STRBP: variants seen among roughly 807,000 people sequenced by gnomAD.
The protein encoded by STRBP is spermatid perinuclear RNA binding protein.
STRBP carries 13 observed loss-of-function variants against 80.1 expected under a neutral mutation model. That is an observed-to-expected ratio of 0.16 (90% CI 0.11 to 0.26). The LOEUF is 0.26. STRBP is among the 10% of genes least tolerant of loss of function. The pLI is 1.00. For synonymous variants in STRBP, 284 were observed against 291.2 expected, an observed-to-expected ratio of 0.98 and a Z score of 0.25; for missense variants, 485 against 815.2, an observed-to-expected ratio of 0.59 and a Z score of 4.93.
chr9:123,154,852 T>C (rs1460717203), intron 11 of STRBP, among the ~76,000 whole-genome samples: 1 of 152,188 alleles, frequency 6.6e-6, no homozygotes, highest in African/African-American at 2.4e-5. Flanking sequence ...GTGCTGCTTA[T>C]AAAGAGGAGA....
In STRBP at chr9:123,182,300, A is replaced by T. The variant is rs1241801262; in HGVS notation, c.3+1832T>A. ...TGCAGAAAGAGAAAATTCTCATTGC[A>T]ATCTGAGATCTAAAAAGCAAGTAAT... On this transcript the variant is annotated intron_variant, in intron 3 of 18. Transcript: ENST00000348403. Among the ~76,000 whole-genome samples, 6 of 151,756 alleles carry T rather than the reference A, an allele frequency of 4.0e-5. 1 individual carries two copies. In the East Asian group the frequency reaches 5.8e-4, roughly 15 times the overall value.
intron 2 of STRBP, among the ~76,000 whole-genome samples, chr9:123,200,173 A>G (rs771274825): frequency 2.0e-5 from 3 of 152,148 alleles, no homozygotes; most frequent in Non-Finnish European, 2.9e-5. Flanking sequence ...GCTGTATCAC[A>G]TTTACTGACT....
rs2035974065 is a variant in STRBP, at chr9:123,128,209, C to T, written c.1942+5G>A. On this transcript the variant is annotated splice_donor_5th_base_variant and intron_variant, in intron 18 of 18. Coordinates refer to ENST00000348403, the MANE Select transcript of STRBP (RefSeq NM_018387.5). ...GAGGAGATATCAGTAAGATGGTGTACGTACCATAGGCAGGGGCAGCTGTGC... is the reference window on the plus strand; with the variant it reads ...GAGGAGATATCAGTAAGATGGTGTATGTACCATAGGCAGGGGCAGCTGTGC... 4 of 1,614,110 alleles carry T rather than the reference C, an allele frequency of 2.5e-6. No homozygotes were observed. The highest frequency in any genetic ancestry group is 3.4e-6 in the Non-Finnish European group (4 of 1,179,984).
In STRBP at chr9:123,240,699, G is replaced by A. The variant is rs572323790; in HGVS notation, c.-301-3733C>T. 9.2e-5 allele frequency among the ~76,000 whole-genome samples: 14 copies of A among 152,220 alleles called. No homozygotes were observed. In the South Asian group the frequency reaches 2.9e-3, roughly 32 times the overall value. ...CTTCCCCTCCTCCAGACCTCATAAT[G>A]TGCCAGTGCTCCAAGGCTCTGTCCC... On this transcript the variant is annotated intron_variant, in intron 1 of 18. Transcript: ENST00000348403.
At chr9:123,240,437 T>C (rs2040669765) in intron 1 of STRBP, among the ~76,000 whole-genome samples, 1 of 152,236 alleles carries the variant, frequency 6.6e-6, no homozygotes, top group Non-Finnish European at 1.5e-5. Flanking sequence ...CGTATTTTAC[T>C]AGCATTTCAC....
At position 123,122,937 on chromosome 9, in the gene STRBP, GT is replaced by G; in HGVS notation, c.*2659del. The G allele has an allele frequency of 1.0e-6, 1 of 985,488 alleles. No individual in the cohort carries two copies. The highest frequency in any genetic ancestry group is 1.2e-6 in the Non-Finnish European group (1 of 829,964). The allele number at this position is 985,488 out of a possible 1,614,324, so 61.0% of individuals were successfully genotyped here. ...ATATTGCTAGGTTTCCAAAGGAAAA[GT>G]TTTAAAACAGACACCGTGGCTTTGA... On this transcript the variant is annotated 3_prime_UTR_variant, in exon 19 of 19. Transcript: ENST00000348403.
At chr9:123,221,563 G>A (rs1303346023) in intron 2 of STRBP, among the ~76,000 whole-genome samples, 3 of 152,178 alleles carry the variant, frequency 2.0e-5, no homozygotes, top group Non-Finnish European at 2.9e-5. Context: ...AATAGTTAAC[G>A]TTTTGCTACA....
intron 2 of STRBP, among the ~76,000 whole-genome samples, chr9:123,207,610 G>A (rs1188186871): frequency 2.0e-5 from 3 of 152,122 alleles, no homozygotes; most frequent in Admixed American, 2.0e-4. Flanking sequence ...GGGAGGGATA[G>A]CATTCGGAGA....
At chr9:123,188,397 T>G (rs1385939542) in intron 2 of STRBP, among the ~76,000 whole-genome samples, 1 of 152,144 alleles carries the variant, frequency 6.6e-6, no homozygotes, top group Non-Finnish European at 1.5e-5. Context: ...ATCCCAGCAG[T>G]CTGGGAGCCC....
At chr9:123,200,374 T>C (rs1564292025) in intron 2 of STRBP, among the ~76,000 whole-genome samples, 1 of 152,140 alleles carries the variant, frequency 6.6e-6, no homozygotes, top group Non-Finnish European at 1.5e-5. Flanking sequence ...GCTCTGCAGT[T>C]TTCTTCTTTT....
intron 2 of STRBP, among the ~76,000 whole-genome samples, chr9:123,205,607 C>A (rs2039486701): frequency 6.6e-6 from 1 of 152,104 alleles, no homozygotes; most frequent in Non-Finnish European, 1.5e-5. Flanking sequence ...TAGGTTTTAA[C>A]CTACAAAAAG....
chr9:123,163,055 A>T (rs2037594719), intron 6 of STRBP, among the ~76,000 whole-genome samples: 2 of 152,222 alleles, frequency 1.3e-5, no homozygotes, highest in Admixed American at 1.3e-4. Flanking sequence ...ATAGTATGGA[A>T]CTTGTTTTTT....
intron 16 of STRBP, among the ~76,000 whole-genome samples, chr9:123,133,712 G>A (rs544619118): frequency 7.9e-5 from 12 of 152,032 alleles, no homozygotes; most frequent in Non-Finnish European, 1.2e-4. Flanking sequence ...GCTAATTTTC[G>A]TATTTTTAGT....
At chr9:123,137,619 G>A (rs1003032103) in intron 14 of STRBP, among the ~76,000 whole-genome samples, 1 of 152,026 alleles carries the variant, frequency 6.6e-6, no homozygotes, top group Non-Finnish European at 1.5e-5. Flanking sequence ...CGTTGGCCAG[G>A]GTGCACTCAA....
intron 2 of STRBP, among the ~76,000 whole-genome samples, chr9:123,209,813 G>A (rs559926581): frequency 2.6e-5 from 4 of 152,168 alleles, no homozygotes; most frequent in Admixed American, 6.5e-5. Context: ...AGTTTGTCTC[G>A]ATAAATTACA....
At chr9:123,194,252 C>T (rs1341023389) in intron 2 of STRBP, among the ~76,000 whole-genome samples, 2 of 152,180 alleles carry the variant, frequency 1.3e-5, no homozygotes, top group South Asian at 2.1e-4. Context: ...GCCAACCTTG[C>T]TGCATCATTA....
At chr9:123,218,667 C>G (rs2039979173) in intron 2 of STRBP, among the ~76,000 whole-genome samples, 1 of 151,968 alleles carries the variant, frequency 6.6e-6, no homozygotes, top group Non-Finnish European at 1.5e-5. Flanking sequence ...CCGCGCCCGG[C>G]CTAAATATGA....
At chr9:123,194,342 A>C (rs939450659) in intron 2 of STRBP, among the ~76,000 whole-genome samples, 7 of 151,990 alleles carry the variant, frequency 4.6e-5, no homozygotes, top group African/African-American at 1.2e-4. Flanking sequence ...CTCAAACTCT[A>C]CTGGATCCCA....
intron 10 of STRBP, 48 bp downstream of exon 10, chr9:123,158,284 G>T (rs768092768): frequency 2.5e-6 from 4 of 1,589,794 alleles, no homozygotes; most frequent in Non-Finnish European, 3.5e-6. Context: ...AGAAAATTAA[G>T]TTATGTTATT....
Sources: gnomAD v4.1 joint callset for allele counts (sites outside exome capture counted in the v4.1 genomes callset) on GRCh38, gnomAD v4.1.1 for gene constraint, MANE v1.5 for transcripts, NCBI Gene and HGNC (gene_info 2026-07-23, HGNC 2026-07-21) for gene names.